The following DLGAP1 variants were observed in gnomAD, a reference collection of about 807,000 sequenced individuals.
DLGAP1 encodes the protein disks large-associated protein 1.
Under a neutral mutation model 90.8 loss-of-function variants are expected in DLGAP1, and 11 were observed. The observed-to-expected ratio is 0.12, with a 90% CI of 0.08 to 0.20. DLGAP1 has a LOEUF of 0.20. Ranked by LOEUF, DLGAP1 falls within the 10% of genes least tolerant of loss-of-function variation. DLGAP1 has a pLI of 1.00. For missense variants in DLGAP1, 1,050 were observed against 1,333.8 expected, an observed-to-expected ratio of 0.79 and a Z score of 3.31; for synonymous variants, 558 against 540.7, an observed-to-expected ratio of 1.03 and a Z score of -0.44.
intron 7 of DLGAP1, among the ~76,000 whole-genome samples, chr18:3,610,363 C>G (rs1416948667): frequency 6.6e-6 from 1 of 152,148 alleles, no homozygotes; most frequent in Non-Finnish European, 1.5e-5. Flanking sequence ...CTGAGTCTGA[C>G]ACCTTTGAAA....
chr18:3,867,739 T>C (rs1453351289), intron 4 of DLGAP1, among the ~76,000 whole-genome samples: 1 of 152,214 alleles, frequency 6.6e-6, no homozygotes, highest in Non-Finnish European at 1.5e-5. Flanking sequence ...GAATTGGTTA[T>C]CTAGATTTAC....
At chr18:4,038,692 G>A (rs1364566868) in intron 2 of DLGAP1, among the ~76,000 whole-genome samples, 1 of 152,028 alleles carries the variant, frequency 6.6e-6, no homozygotes, top group African/African-American at 2.4e-5. Flanking sequence ...AATATGTTCT[G>A]GAGTATTTTT....
intron 4 of DLGAP1, among the ~76,000 whole-genome samples, chr18:3,836,635 C>T (rs2068400147): frequency 6.6e-6 from 1 of 152,166 alleles, no homozygotes; most frequent in African/African-American, 2.4e-5. Flanking sequence ...GCCACCTGCT[C>T]CTGCTCTGAG....
intron 2 of DLGAP1, among the ~76,000 whole-genome samples, chr18:4,060,859 T>C (rs1043783851): frequency 1.3e-5 from 2 of 152,222 alleles, no homozygotes; most frequent in African/African-American, 4.8e-5. Flanking sequence ...AAGCATGTTG[T>C]ATATGATCTA....
chr18:3,549,206 A>G (rs2053234327), intron 9 of DLGAP1, among the ~76,000 whole-genome samples: 1 of 152,230 alleles, frequency 6.6e-6, no homozygotes, highest in Non-Finnish European at 1.5e-5. Context: ...AGAGGCAGCC[A>G]CTTTTAAACA....
Position 3,499,108 on chromosome 18 carries a change from G to T in DLGAP1, c.*77C>A. ...CTCGGGAGCGGACGGGCTCGGAGGG[G>T]GAGAGGCAGCCGGCAGAGGAGCGGC... On this transcript the variant is annotated 3_prime_UTR_variant, in exon 13 of 13. Transcript: ENST00000315677. The surrounding 1 kb of genome is among the most constrained non-coding windows in gnomAD (Gnocchi z 6.4). 3 of 1,334,448 alleles carry T rather than the reference G, an allele frequency of 2.2e-6. No individual in the cohort carries two copies. The highest frequency in any genetic ancestry group is 2.8e-5 in the East Asian group (1 of 35,814). The allele number at this position is 1,334,448 out of a possible 1,614,324, so 82.7% of individuals were successfully genotyped here. A position where few individuals can be genotyped will look rare whatever the true frequency, so the allele number is the denominator to read the frequency against.
intron 2 of DLGAP1, among the ~76,000 whole-genome samples, chr18:4,133,818 C>T (rs1198461047): frequency 1.3e-5 from 2 of 151,990 alleles, no homozygotes; most frequent in Non-Finnish European, 2.9e-5. Flanking sequence ...GTGGGTGAGG[C>T]ACTAACAGTG....
intron 5 of DLGAP1, among the ~76,000 whole-genome samples, chr18:3,801,540 C>A (rs2066293146): frequency 2.0e-5 from 3 of 152,074 alleles, no homozygotes; most frequent in Non-Finnish European, 1.5e-5. Flanking sequence ...AGCTCTGTGA[C>A]CTTGGAAAGT....
At position 3,741,020 on chromosome 18, in the gene DLGAP1, CCACCACCACCACCACCATCACCT is replaced by C. The variant is rs1598535629; in HGVS notation, c.1350+1292_1350+1314del. On this transcript the variant is annotated intron_variant, in intron 6 of 12. Transcript: ENST00000315677. Reference sequence around the variant, plus strand: ...CACCTCACCACCACCACCACCATCACCACCACCACCACCACCATCACCTCACCACCACCACCATCACCACCACC... The same window carrying C: ...CACCTCACCACCACCACCACCATCACCACCACCACCACCATCACCACCACC... Among the ~76,000 whole-genome samples the C allele has an allele frequency of 9.3e-5, 7 of 75,022 alleles. No homozygotes were observed. In the East Asian group the frequency reaches 2.0e-3, roughly 21 times the overall value. The allele number at this position is 75,022 out of a possible 152,430, so 49.2% of individuals were successfully genotyped here. A position where few individuals can be genotyped will look rare whatever the true frequency, so the allele number is the denominator to read the frequency against.
chr18:3,838,438 T>C (rs532632415), intron 4 of DLGAP1, among the ~76,000 whole-genome samples: 1 of 152,334 alleles, frequency 6.6e-6, no homozygotes, highest in South Asian at 2.1e-4. Flanking sequence ...TGCCTGGCAT[T>C]GTCCCTTGCA....
chr18:3,696,401 TGTGAA>T (rs2061093392), intron 7 of DLGAP1, among the ~76,000 whole-genome samples: 1 of 152,112 alleles, frequency 6.6e-6, no homozygotes. Flanking sequence ...GAGTTTTTAG[TGTGAA>T]GTGGTGTTGA....
rs1413446651 is a variant in DLGAP1 at position 4,178,865 on chromosome 18, T to C, written c.-266-27578A>G. 1.3e-5 allele frequency among the ~76,000 whole-genome samples: 2 copies of C among 152,192 alleles called. 1 individual carries two copies. The highest frequency in any genetic ancestry group is 4.8e-5 in the African/African-American group (2 of 41,466). On this transcript the variant is annotated intron_variant, in intron 1 of 12. Coordinates refer to ENST00000315677, the MANE Select transcript of DLGAP1 (RefSeq NM_004746.4). ...ATATTGTTATAAAGAGTATGCAATATAGAAATGTCTAAACTAATATCTACT... is the reference window on the plus strand; with the variant it reads ...ATATTGTTATAAAGAGTATGCAATACAGAAATGTCTAAACTAATATCTACT...
chr18:3,599,407 C>T (rs1255030686), intron 7 of DLGAP1, among the ~76,000 whole-genome samples: 3 of 152,214 alleles, frequency 2.0e-5, no homozygotes, highest in Non-Finnish European at 4.4e-5. Context: ...GGTGGCATCA[C>T]CGCACTGTAA....
intron 1 of DLGAP1, among the ~76,000 whole-genome samples, chr18:4,245,082 G>A (rs886247903): frequency 2.6e-5 from 4 of 152,160 alleles, no homozygotes; most frequent in African/African-American, 9.7e-5. Context: ...CTTAGCAATT[G>A]TGATAGCTGT....
chr18:3,658,869 T>C (rs977083486), intron 7 of DLGAP1, among the ~76,000 whole-genome samples: 10 of 152,228 alleles, frequency 6.6e-5, no homozygotes, highest in Admixed American at 6.5e-4. Flanking sequence ...ACAGAGTTCA[T>C]GCAAGAAAAC....
At chr18:3,826,824 T>C (rs1242469346) in intron 4 of DLGAP1, among the ~76,000 whole-genome samples, 1 of 152,080 alleles carries the variant, frequency 6.6e-6, no homozygotes, top group Non-Finnish European at 1.5e-5. Flanking sequence ...AAGAGTAGAA[T>C]CAGAGACCCT....
chr18:3,692,616 T>C (rs2060937793), intron 7 of DLGAP1, among the ~76,000 whole-genome samples: 1 of 151,546 alleles, frequency 6.6e-6, no homozygotes, highest in Non-Finnish European at 1.5e-5. Context: ...GAGGGCCAAA[T>C]GGTCAGGTCT....
chr18:3,987,228 G>A (rs1411239702), intron 3 of DLGAP1, among the ~76,000 whole-genome samples: 1 of 152,162 alleles, frequency 6.6e-6, no homozygotes, highest in Non-Finnish European at 1.5e-5. Flanking sequence ...CTCAAGGGGA[G>A]ATTGCTAATA....
intron 2 of DLGAP1, among the ~76,000 whole-genome samples, chr18:4,132,114 G>A (rs1156660432): frequency 6.6e-6 from 1 of 151,872 alleles, no homozygotes; most frequent in African/African-American, 2.4e-5. Context: ...CTATTTCCTA[G>A]TCACTTTGCA....
Sources: gnomAD v4.1 joint callset for allele counts (sites outside exome capture counted in the v4.1 genomes callset) on GRCh38, gnomAD v4.1.1 for gene constraint, Gnocchi (gnomAD v3.1) non-coding constraint, MANE v1.5 for transcripts, NCBI Gene and HGNC (gene_info 2026-07-23, HGNC 2026-07-21) for gene names.